The following DDX3X variants were observed in gnomAD, a reference collection of about 807,000 sequenced individuals.
DDX3X encodes ATP-dependent RNA helicase DDX3X.
A neutral mutation model predicts 52.7 loss-of-function variants in DDX3X; 4 were observed. The ratio of observed to expected loss-of-function variants is 0.08; its 90% CI spans 0.04 to 0.17. DDX3X has a LOEUF of 0.17. DDX3X is among the 10% of genes least tolerant of loss of function. DDX3X has a pLI of 1.00. For synonymous variants in DDX3X, 192 were observed against 178.1 expected (o/e 1.08, Z -0.62); for missense variants, 222 against 548.6 (o/e 0.40, Z 5.95).
At chrX:41,333,972 G>T, upstream of DDX3X, 1 of 321,997 alleles carries the variant, frequency 3.1e-6, no homozygotes, top group Middle Eastern at 8.7e-4. Flanking sequence ...AAGCTCCAAG[G>T]CAGGACTGCT....
At chrX:41,345,872 C>G in intron 12 of DDX3X, 1 of 254,972 alleles carries the variant, frequency 3.9e-6, no homozygotes, top group African/African-American at 2.8e-5. Context: ...ACCACTGCAC[C>G]CAGCTAAAAT....
intron 3 of DDX3X, 39 bp downstream of exon 3, chrX:41,339,122 C>T: frequency 2.3e-6 from 2 of 883,617 alleles, no homozygotes; most frequent in Non-Finnish European, 1.5e-6. Context: ...CTATTTTTTG[C>T]CTCCTTTAGA....
At chrX:41,350,423 G>A (rs2063974821), downstream of DDX3X, 1 of 111,837 alleles carries the variant, frequency 8.9e-6, no homozygotes, top group Non-Finnish European at 1.9e-5. Flanking sequence ...TGTAATAGAC[G>A]GAAATCTAAA....
Position 41,339,908 on chromosome X carries a change from C to CTTTTTTTTT in DDX3X, c.151+840_151+848dup, listed in dbSNP as rs11291103. ...TATTTCTACCAGAAGATCACTTTGGCTTTTTTTTTTTTTTTTTTTTTTTGA... is the reference window on the plus strand; with the variant it reads ...TATTTCTACCAGAAGATCACTTTGGCTTTTTTTTTTTTTTTTTTTTTTTTTTTTTTTTGA... On this transcript the variant is annotated intron_variant, in intron 3 of 16. Coordinates refer to ENST00000644876, the MANE Select transcript of DDX3X (RefSeq NM_001356.5). 5 of 65,194 alleles carry CTTTTTTTTT rather than the reference C, an allele frequency of 7.7e-5. 1 individual carries two copies. Among genetic ancestry groups the CTTTTTTTTT allele is most frequent in the African/African-American group, 2.8e-4 (4 of 14,080 alleles). The allele number at this position is 65,194 out of a possible 1,213,427, so 5.4% of individuals were successfully genotyped here. A position where few individuals can be genotyped will look rare whatever the true frequency, so the allele number is the denominator to read the frequency against.
rs188775057 is a variant in DDX3X at position 41,356,328 on chromosome X, G to A, written c.655-7946G>A. On this transcript the variant is annotated intron_variant, in intron 5 of 5. Coordinates refer to the DDX3X transcript ENST00000616050. ...CTAATGGCTAATTTTTGTATTTTTAGTAGAGACGGGGTTTCACCATATTGA... is the reference window on the plus strand; with the variant it reads ...CTAATGGCTAATTTTTGTATTTTTAATAGAGACGGGGTTTCACCATATTGA... Among the ~76,000 whole-genome samples the A allele has an allele frequency of 6.4e-5, 7 of 109,311 alleles. No homozygotes were observed. The Admixed American group carries it at 6.9e-4, about 11-fold the overall frequency. 94.9% of individuals were successfully genotyped at this position (109,311 alleles called of 115,157 possible).
At chrX:41,351,899 A>C (rs182666763), downstream of DDX3X, among the ~76,000 whole-genome samples, 3 of 111,102 alleles carry the variant, frequency 2.7e-5, no homozygotes, top group East Asian at 5.7e-4. Flanking sequence ...ATATTTTGTG[A>C]CTTGGAAAGA....
downstream of DDX3X, among the ~76,000 whole-genome samples, chrX:41,354,036 G>A (rs780545963): frequency 1.3e-4 from 14 of 111,385 alleles, no homozygotes; most frequent in Non-Finnish European, 2.4e-4. Flanking sequence ...ATCCTTTCCT[G>A]AGCAGATTTT....
chrX:41,333,494 CTA>C (rs2063706495), upstream of DDX3X: 1 of 108,202 alleles, frequency 9.2e-6, no homozygotes, highest in African/African-American at 3.4e-5. Flanking sequence ...CCGGAGCACT[CTA>C]TATTCAAGCC....
intron 3 of DDX3X, chrX:41,340,558 C>T (rs2063836056): frequency 8.2e-6 from 2 of 244,248 alleles, no homozygotes; most frequent in East Asian, 1.2e-4. Flanking sequence ...CATCCCCTTA[C>T]CTGGATATTT....
intron 3 of DDX3X, chrX:41,340,999 TGA>T (rs1254949290): frequency 4.1e-6 from 1 of 243,502 alleles, no homozygotes; most frequent in Non-Finnish European, 7.3e-6. Context: ...TTTTTTTTTT[TGA>T]GACAAGGGTG....
intron 1 of DDX3X, chrX:41,335,346 GTT>G (rs1376077055): frequency 1.8e-5 from 2 of 111,630 alleles, no homozygotes; most frequent in East Asian, 5.6e-4. Context: ...GAAGTAAACA[GTT>G]TTGTTGTTGA....
At chrX:41,364,107 T>C (rs2064039542) in intron 5 of DDX3X, among the ~76,000 whole-genome samples, 1 of 112,085 alleles carries the variant, frequency 8.9e-6, no homozygotes, top group African/African-American at 3.2e-5. Context: ...TCTCTAAGAA[T>C]AGTTGGCTCC....
chrX:41,364,438 A>G, exon 6 of DDX3X: 2 of 292,253 alleles, frequency 6.8e-6, no homozygotes, highest in Middle Eastern at 9.0e-4. Flanking sequence ...CTCTTATTAC[A>G]TGAGAAAAAT....
chrX:41,361,080 C>T (rs758868633), intron 5 of DDX3X, among the ~76,000 whole-genome samples: 2 of 108,953 alleles, frequency 1.8e-5, no homozygotes, highest in Non-Finnish European at 3.8e-5. Flanking sequence ...TCTTATGTCC[C>T]TCTGCAGCTT....
At chrX:41,347,612 TTCTC>T (rs771998465) in intron 16 of DDX3X, 24 bp from the exon 17 acceptor site, 21 of 1,148,574 alleles carry the variant, frequency 1.8e-5, no homozygotes, top group Middle Eastern at 2.4e-4. Flanking sequence ...CTTCATTAAT[TTCTC>T]TCTCTTTTTA....
Position 41,347,341 on chromosome X carries a change from G to A in DDX3X, c.1799G>A (p.Arg600Lys). 1 of 1,211,281 alleles carries A rather than the reference G, an allele frequency of 8.3e-7. No individual in the cohort carries two copies. The highest frequency in any genetic ancestry group is 1.1e-6 in the Non-Finnish European group (1 of 895,138). Residue 600 changes from arginine (R) to lysine (K), a missense_variant, in exon 16 of 17, where the codon AGA becomes AAA. Physicochemically the swap from Arg to Lys is conservative, Grantham distance 26 (BLOSUM62 2). This residue lies in a region of DDX3X where 18 missense variants were observed against 45.3 expected (regional missense o/e 0.40). Transcript: ENST00000644876. ...SSRFSGGFGA[R>K]DYRQSSGASS... The stretch of plus-strand genomic sequence containing the variant: ...AGATTTAGTGGAGGGTTTGGTGCCA[G>A]AGACTACCGACAAAGTAGCGGTGCC...
At position 41,341,029 on chromosome X, in the gene DDX3X, G is replaced by A. The variant is rs750779879; in HGVS notation, c.152-455G>A. The A allele has an allele frequency of 3.2e-5, 7 of 216,034 alleles. No individual in the cohort carries two copies. The East Asian group carries it at 3.5e-4, about 11-fold the overall frequency. The allele number at this position is 216,034 out of a possible 1,213,427, so 17.8% of individuals were successfully genotyped here. On this transcript the variant is annotated intron_variant, in intron 3 of 16. Coordinates refer to ENST00000644876, the MANE Select transcript of DDX3X (RefSeq NM_001356.5). ...CAAGGGTGTTTCACTCTTGTTTCCC[G>A]TGCTGGAGTGCAGTGGCGCAATCTT...
intron 1 of DDX3X, chrX:41,334,876 C>T (rs2063739195): frequency 1.9e-6 from 1 of 526,489 alleles, no homozygotes; most frequent in South Asian, 4.3e-5. Flanking sequence ...CTCCGGGAGA[C>T]GGCGGGTCTC....
At position 41,334,417 on chromosome X, in the gene DDX3X, G is replaced by A. The variant is rs915579322; in HGVS notation, c.45+120G>A. ...TTTCATTTTCTGGGTGCCCCGGGCT[G>A]GCGGGTGTGAGTGCCCCGGGGCTAT... is the stretch of plus-strand genomic sequence containing the variant. On this transcript the variant is annotated intron_variant, in intron 1 of 16. Transcript: ENST00000644876. The A allele has an allele frequency of 4.4e-6, 5 of 1,132,216 alleles. No homozygotes were observed. In the African/African-American group the frequency reaches 5.4e-5, roughly 12 times the overall value. The allele number at this position is 1,132,216 out of a possible 1,213,427, so 93.3% of individuals were successfully genotyped here.
Sources: gnomAD v4.1 joint callset for allele counts (sites outside exome capture counted in the v4.1 genomes callset) on GRCh38, gnomAD v4.1.1 for gene constraint, gnomAD v4.1.1 regional missense constraint, MANE v1.5 for transcripts, NCBI Gene and HGNC (gene_info 2026-07-23, HGNC 2026-07-21) for gene names.